The following EDNRB variants were observed in gnomAD, a reference collection of about 807,000 sequenced individuals.
EDNRB encodes the protein endothelin receptor type B, also known as Hirschsprung disease 2.
In EDNRB, 18 loss-of-function variants were observed where a neutral mutation model predicts 46.4. That is an observed-to-expected ratio of 0.39 (90% confidence interval 0.27 to 0.57). The LOEUF is 0.57. Ranked by LOEUF, EDNRB falls within the 20% of genes least tolerant of loss-of-function variation. The pLI is 0.61. For synonymous variants in EDNRB, 213 were observed against 204.9 expected (o/e 1.04, Z -0.34); for missense variants, 434 against 537.5 (o/e 0.81, Z 1.90).
At chr13:77,904,551 C>G (rs12720183) in intron 1 of EDNRB, among the ~76,000 whole-genome samples, 220 of 151,758 alleles carry the variant, frequency 1.4e-3, no homozygotes, top group African/African-American at 5.1e-3. Context: ...GTATAAGGAG[C>G]AAGAAGACAT....
chr13:77,968,779 G>A (rs573396707), intron 1 of EDNRB, among the ~76,000 whole-genome samples: 1 of 152,210 alleles, frequency 6.6e-6, no homozygotes, highest in African/African-American at 2.4e-5. Flanking sequence ...TGCCTCCTGA[G>A]CTGGTTCTGT....
chr13:77,953,741 G>A (rs192460625), intron 1 of EDNRB, among the ~76,000 whole-genome samples: 3 of 152,236 alleles, frequency 2.0e-5, no homozygotes, highest in African/African-American at 7.2e-5. Flanking sequence ...GAAGTAAAGG[G>A]CATTAGGTAG....
chr13:77,909,706 G>A (rs879642262), intron 1 of EDNRB, among the ~76,000 whole-genome samples: 1 of 152,016 alleles, frequency 6.6e-6, no homozygotes, highest in Non-Finnish European at 1.5e-5. Flanking sequence ...CTCATTCAAT[G>A]TTTGTTAAGT....
Position 77,906,408 on chromosome 13 carries a change from A to C in EDNRB, c.484-2801T>G, listed in dbSNP as rs540861784. On this transcript the variant is annotated intron_variant, in intron 1 of 6. Transcript: ENST00000646607. ...TCCTCCCTTCAAAACATGAAGCCTA[A>C]TTTCCCTGCCTTTGAATGTGGATTG... Among the ~76,000 whole-genome samples, 6 of 152,148 alleles carry C rather than the reference A, an allele frequency of 3.9e-5. No homozygotes were observed. The South Asian group carries it at 1.2e-3, about 32-fold the overall frequency.
intron 1 of EDNRB, among the ~76,000 whole-genome samples, chr13:77,959,208 C>T (rs71434881): frequency 0.076 from 11,524 of 152,232 alleles, 584 homozygotes; most frequent in Non-Finnish European, 0.12. Flanking sequence ...TCTCCCAGCA[C>T]GGAGTTTGAG....
intron 1 of EDNRB, among the ~76,000 whole-genome samples, chr13:77,964,905 G>A (rs1267317033): frequency 2.6e-5 from 4 of 152,140 alleles, no homozygotes; most frequent in South Asian, 4.1e-4. Context: ...AGAAGAGAAA[G>A]GACTAACATT....
At chr13:77,925,640 C>A (rs1466252462) in intron 1 of EDNRB, among the ~76,000 whole-genome samples, 1 of 152,214 alleles carries the variant, frequency 6.6e-6, no homozygotes, top group African/African-American at 2.4e-5. Context: ...CGCCTGGATG[C>A]CCAGGCAAAA....
chr13:77,898,410 G>T, intron 6 of EDNRB, 76 bp from the exon 7 acceptor site: 1 of 1,595,514 alleles, frequency 6.3e-7, no homozygotes, highest in South Asian at 1.1e-5. Context: ...CCAGGGTTCT[G>T]ACTTTCTTTG....
At chr13:77,943,388 ATC>A (rs933417544) in intron 1 of EDNRB, among the ~76,000 whole-genome samples, 8 of 152,116 alleles carry the variant, frequency 5.3e-5, no homozygotes, top group African/African-American at 1.9e-4. Flanking sequence ...CATGCATTTC[ATC>A]TCTCTCTTTA....
rs1878949889 is a variant in EDNRB, at chr13:77,901,088, C to T, written c.921G>A (p.Met307Ile). 2 of 1,611,118 alleles carry T rather than the reference C, an allele frequency of 1.2e-6. No individual in the cohort carries two copies. Among genetic ancestry groups the T allele is most frequent in the Non-Finnish European group, 1.7e-6 (2 of 1,178,350 alleles). Reference protein sequence around the residue: ...TCEMLRKKSGMQIALNDHLKQ... With the variant: ...TCEMLRKKSGIQIALNDHLKQ... ...TTAGGTGATCATTTAAAGCAATCTGCATGCCACTTTTCTTTCTCAACATTT... is the reference window on the plus strand; with the variant it reads ...TTAGGTGATCATTTAAAGCAATCTGTATGCCACTTTTCTTTCTCAACATTT... The change falls in exon 4 of 7, where the codon ATG becomes ATA. Residue 307 changes from methionine (M) to isoleucine (I), a missense_variant. Coordinates refer to ENST00000646607, the MANE Select transcript of EDNRB (RefSeq NM_001122659.3).
intron 6 of EDNRB, chr13:77,899,572 C>T: frequency 2.9e-6 from 1 of 340,984 alleles, no homozygotes; most frequent in Non-Finnish European, 5.5e-6. Context: ...TTATGTGATG[C>T]CTATCAGACA....
intron 1 of EDNRB, among the ~76,000 whole-genome samples, chr13:77,968,395 T>A (rs1166818514): frequency 6.6e-6 from 1 of 152,164 alleles, no homozygotes; most frequent in Non-Finnish European, 1.5e-5. Context: ...TTTAAAAATA[T>A]TGTGAAGTAG....
intron 1 of EDNRB, among the ~76,000 whole-genome samples, chr13:77,931,416 A>G (rs1168001578): frequency 6.6e-6 from 1 of 152,176 alleles, no homozygotes; most frequent in Non-Finnish European, 1.5e-5. Flanking sequence ...CTATTTTTGT[A>G]TGATATAATC....
intron 1 of EDNRB, among the ~76,000 whole-genome samples, chr13:77,943,618 A>T (rs574519069): frequency 2.0e-5 from 3 of 152,074 alleles, no homozygotes; most frequent in African/African-American, 7.2e-5. Flanking sequence ...ATGGTTTTAT[A>T]TGTTTTTATG....
Position 77,899,824 on chromosome 13 carries a change from T to G in EDNRB, c.1194+35A>C, listed in dbSNP as rs746232806. ...TTGAAAGCTTATATTTGAGCCATAT[T>G]ACAAAGAGCTTTTTATTTTGGGATA... On this transcript the variant is annotated intron_variant, in intron 6 of 6. Coordinates refer to ENST00000646607, the MANE Select transcript of EDNRB (RefSeq NM_001122659.3). 3.9e-6 allele frequency: 6 copies of G among 1,526,320 alleles called. No homozygotes were observed. The Admixed American group carries it at 6.7e-5, about 17-fold the overall frequency. 94.5% of individuals were successfully genotyped at this position (1,526,320 alleles called of 1,614,324 possible).
At chr13:77,934,521 C>T (rs1013286889) in intron 1 of EDNRB, among the ~76,000 whole-genome samples, 3 of 152,052 alleles carry the variant, frequency 2.0e-5, no homozygotes, top group Non-Finnish European at 4.4e-5. Context: ...GAAATGACCA[C>T]GGTGACCTTC....
chr13:77,931,744 C>CAAAAAAAAAAAAAAAAAAAA (rs67176737), intron 1 of EDNRB, among the ~76,000 whole-genome samples: 1 of 83,446 alleles, frequency 1.2e-5, no homozygotes. Flanking sequence ...ACTGTAGTAG[C>CAAAAAAAAAAAAAAAAAAAA]AAAAAAAAAA....
chr13:77,929,858 T>C (rs775113736), intron 1 of EDNRB, among the ~76,000 whole-genome samples: 17 of 152,194 alleles, frequency 1.1e-4, no homozygotes, highest in Non-Finnish European at 2.2e-4. Flanking sequence ...CATTGTGAGA[T>C]TTAAATTCTA....
At chr13:77,973,009 G>A (rs574317444) in intron 1 of EDNRB, among the ~76,000 whole-genome samples, 1 of 152,212 alleles carries the variant, frequency 6.6e-6, no homozygotes, top group Admixed American at 6.5e-5. Flanking sequence ...TGATGAGAAC[G>A]TGATCTTCAG....
Sources: allele counts gnomAD v4.1 joint callset (sites outside exome capture counted in the v4.1 genomes callset), GRCh38; gene constraint gnomAD v4.1.1; transcripts MANE v1.5; gene names NCBI Gene and HGNC (gene_info 2026-07-23, HGNC 2026-07-21).